Variants in RBBP9 observed in about 807,000 individuals in gnomAD.
The protein encoded by RBBP9 is serine hydrolase RBBP9.
In RBBP9, 20 loss-of-function variants were observed where a neutral mutation model predicts 24.2. The ratio of observed to expected loss-of-function variants is 0.83; its 90% CI spans 0.58 to 1.20. RBBP9 has a LOEUF of 1.20. Among genes scored for constraint, RBBP9 ranks in the 50% most tolerant of loss-of-function variants. RBBP9 has a pLI of 0.00. For missense variants in RBBP9, 234 were observed against 233.6 expected, an observed-to-expected ratio of 1.00 and a Z score of -0.01; for synonymous variants, 74 against 84.6, an observed-to-expected ratio of 0.87 and a Z score of 0.69.
intron 1 of RBBP9, 60 bp from the exon 2 acceptor site, chr20:18,495,940 G>C: frequency 2.2e-6 from 3 of 1,346,538 alleles, no homozygotes; most frequent in Non-Finnish European, 3.0e-6. Context: ...CTAATACTTT[G>C]CTAATAAGAA....
chr20:18,492,096 C>CAA (rs71194242), intron 3 of RBBP9, among the ~76,000 whole-genome samples: 17,146 of 69,776 alleles, frequency 0.25, 2,506 homozygotes, highest in Non-Finnish European at 0.31. Flanking sequence ...GGCTCTGTCT[C>CAA]AAAAAAAAAA....
chr20:18,486,753 A>T lies in RBBP9; in HGVS notation c.*3011T>A, dbSNP rs41276442. 1 of 152,206 alleles carries T rather than the reference A, an allele frequency of 6.6e-6. No individual in the cohort carries two copies. The highest frequency in any genetic ancestry group is 1.5e-5 in the Non-Finnish European group (1 of 68,042). 9.4% of individuals were successfully genotyped at this position (152,206 alleles called of 1,614,324 possible). The stretch of plus-strand genomic sequence containing the variant: ...TAATACTTACAGTTGATTTCCATTC[A>T]GTATTCGGTATTTTGCTCACCTGAG... On this transcript the variant is annotated 3_prime_UTR_variant, in exon 5 of 5. Transcript: ENST00000337227.
chr20:18,496,970 A>G (rs2247746), intron 1 of RBBP9, 99 bp downstream of exon 1: 803,297 of 923,650 alleles, frequency 0.87, 353,711 homozygotes, highest in Non-Finnish European at 0.92. Flanking sequence ...GGGCTTTGCT[A>G]GAGGGGATTA....
chr20:18,491,379 G>A (rs772850887), intron 3 of RBBP9, among the ~76,000 whole-genome samples: 5 of 152,162 alleles, frequency 3.3e-5, no homozygotes, highest in Non-Finnish European at 5.9e-5. Flanking sequence ...TGTTCCTGGT[G>A]CCCATTACAG....
rs115342133 is a variant in RBBP9, at chr20:18,491,190, A to T, written c.249-710T>A. On this transcript the variant is annotated intron_variant, in intron 3 of 4. Coordinates refer to ENST00000337227, the MANE Select transcript of RBBP9 (RefSeq NM_006606.3). ...CGTGATCCCTCCTTCAACCCAGATG[A>T]CTCTAATGCAAGTGGTCTGTGAACT... 3.6e-3 allele frequency among the ~76,000 whole-genome samples: 553 copies of T among 152,260 alleles called. 3 individuals are homozygous for T. The highest frequency in any genetic ancestry group is 0.012 in the African/African-American group (511 of 41,538).
At chr20:18,494,670 G>A (rs1431261950) in intron 2 of RBBP9, among the ~76,000 whole-genome samples, 5 of 151,434 alleles carry the variant, frequency 3.3e-5, no homozygotes, top group East Asian at 3.9e-4. Context: ...AACAGAGCGA[G>A]ACTCCATCTC....
rs1454748479 is a variant in RBBP9, at chr20:18,489,691, G to T, written c.*73C>A. The T allele has an allele frequency of 4.0e-6, 4 of 995,970 alleles. No homozygotes were observed. The East Asian group carries it at 7.5e-5, about 19-fold the overall frequency. 61.7% of individuals were successfully genotyped at this position (995,970 alleles called of 1,614,324 possible). On this transcript the variant is annotated 3_prime_UTR_variant, in exon 5 of 5. Coordinates refer to ENST00000337227, the MANE Select transcript of RBBP9 (RefSeq NM_006606.3). ...CGGAACTTAACTGGATGTTCTATGT[G>T]TCTAGTAATCAGCTGATAGTAGATA... is the stretch of plus-strand genomic sequence containing the variant.
chr20:18,492,062 A>C (rs2059867856), intron 3 of RBBP9, among the ~76,000 whole-genome samples: 2 of 135,398 alleles, frequency 1.5e-5, no homozygotes, highest in Admixed American at 1.7e-4. Context: ...GTGCCACTGC[A>C]CTCCAGCCCG....
At chr20:18,491,092 A>G (rs546479789) in intron 3 of RBBP9, among the ~76,000 whole-genome samples, 1 of 152,374 alleles carries the variant, frequency 6.6e-6, no homozygotes, top group African/African-American at 2.4e-5. Context: ...GTGAACATGC[A>G]GATTCTCAGG....
rs1325315989 is a variant in RBBP9 at position 18,497,114 on chromosome 20, C to G, written c.54G>C (p.Val18=). 20 of 1,614,102 alleles carry G rather than the reference C, an allele frequency of 1.2e-5. No homozygotes were observed. The highest frequency in any genetic ancestry group is 1.7e-5 in the Non-Finnish European group (20 of 1,180,038). Residue 18 remains valine, a synonymous_variant, in exon 1 of 5, where the codon GTG becomes GTC. Coordinates refer to ENST00000337227, the MANE Select transcript of RBBP9 (RefSeq NM_006606.3). The part of the protein sequence containing the change: ...VIVPGNGGGD[V]TTHGWYGWVK... Reference sequence around the variant, plus strand: ...CCCAGCCATACCAGCCGTGGGTGGTCACATCCCCGCCTCCGTTCCCGGGAA... The same window carrying G: ...CCCAGCCATACCAGCCGTGGGTGGTGACATCCCCGCCTCCGTTCCCGGGAA...
Position 18,486,954 on chromosome 20 carries a change from T to A in RBBP9, c.*2810A>T, listed in dbSNP as rs2059846486. The A allele has an allele frequency of 6.6e-6, 1 of 152,188 alleles. No individual in the cohort carries two copies. The highest frequency in any genetic ancestry group is 1.5e-5 in the Non-Finnish European group (1 of 68,042). 9.4% of individuals were successfully genotyped at this position (152,188 alleles called of 1,614,324 possible). ...TTGGGTGATTTATAGACCTATGATG[T>A]TGGTGGTGATCAGCTAAGCAAACTA... On this transcript the variant is annotated 3_prime_UTR_variant, in exon 5 of 5. Transcript: ENST00000337227.
In RBBP9 at chr20:18,490,392, T is replaced by TA. The variant is rs750014576; in HGVS notation, c.334+2dup. 3.7e-6 allele frequency: 6 copies of TA among 1,610,692 alleles called. No homozygotes were observed. The highest frequency in any genetic ancestry group is 3.3e-5 in the Admixed American group (2 of 60,000). ...TTGCTCAGATTTCTACCTTTGGACT[T>TA]ACCACTTGCACGCTCATTTTCATCC... On this transcript the variant is annotated splice_region_variant and intron_variant, in intron 4 of 4. Transcript: ENST00000337227.
intron 4 of RBBP9, 113 bp downstream of exon 4, chr20:18,490,282 T>C: frequency 2.5e-6 from 2 of 803,092 alleles, no homozygotes; most frequent in South Asian, 3.2e-5. Context: ...ATCTTTCTCA[T>C]ATGCTATTAG....
At chr20:18,496,962 G>A in intron 1 of RBBP9, 107 bp downstream of exon 1, 3 of 865,864 alleles carry the variant, frequency 3.5e-6, no homozygotes, top group Admixed American at 2.2e-5. Context: ...AACACACAGG[G>A]CTTTGCTAGA....
At chr20:18,490,864 A>T (rs1246268859) in intron 3 of RBBP9, among the ~76,000 whole-genome samples, 2 of 152,094 alleles carry the variant, frequency 1.3e-5, no homozygotes, top group Non-Finnish European at 2.9e-5. Flanking sequence ...TTTTTAGTAG[A>T]GACGGGGTTT....
At chr20:18,496,000 G>T in intron 1 of RBBP9, 120 bp from the exon 2 acceptor site, 2 of 852,758 alleles carry the variant, frequency 2.3e-6, no homozygotes, top group Non-Finnish European at 3.6e-6. Context: ...CTTGTGTTAT[G>T]AAATGAAGTA....
Position 18,489,976 on chromosome 20 carries a change from G to A in RBBP9, c.349C>T (p.Pro117Ser). The A allele has an allele frequency of 6.2e-7, 1 of 1,602,998 alleles. No homozygotes were observed. The highest frequency in any genetic ancestry group is 8.5e-7 in the Non-Finnish European group (1 of 1,170,784). The change falls in exon 5 of 5, where the codon CCC (proline) becomes TCC (serine). Residue 117 changes from proline (P) to serine (S), a missense_variant. Physicochemically the swap from Pro to Ser is moderately conservative, Grantham distance 74. Transcript: ENST00000337227. ...NERASGYFTR[P>S]WQWEKIKANC... ...GCCTTGATCTTCTCCCACTGCCAGG[G>A]GCGGGTGAAGTATCCTATGGGGAAA...
intron 3 of RBBP9, among the ~76,000 whole-genome samples, chr20:18,491,836 C>A (rs1450783983): frequency 6.6e-6 from 1 of 151,958 alleles, no homozygotes; most frequent in East Asian, 1.9e-4. Context: ...GTGGCTCACA[C>A]CTGTAATCCC....
rs35822681 is a variant in RBBP9 at position 18,488,971 on chromosome 20, G to GTGTGTGTGTGTGTA, written c.*792_*793insTACACACACACACA. 39 of 148,804 alleles carry GTGTGTGTGTGTGTA rather than the reference G, an allele frequency of 2.6e-4. No homozygotes were observed. Among genetic ancestry groups the GTGTGTGTGTGTGTA allele is most frequent in the African/African-American group, 5.7e-4 (23 of 40,600 alleles). The allele number at this position is 148,804 out of a possible 1,614,324, so 9.2% of individuals were successfully genotyped here. A position where few individuals can be genotyped will look rare whatever the true frequency, so the allele number is the denominator to read the frequency against. ...TATGTGTATGTGTGTGTGTGTGTGT[G>GTGTGTGTGTGTGTA]TATATATATATATATTTGCATTCCC... On this transcript the variant is annotated 3_prime_UTR_variant, in exon 5 of 5. Coordinates refer to ENST00000337227, the MANE Select transcript of RBBP9 (RefSeq NM_006606.3).
Sources: gnomAD v4.1 joint callset for allele counts (sites outside exome capture counted in the v4.1 genomes callset) on GRCh38, gnomAD v4.1.1 for gene constraint, MANE v1.5 for transcripts, NCBI Gene and HGNC (gene_info 2026-07-23, HGNC 2026-07-21) for gene names.